PLA2G4B: variants seen among roughly 807,000 people sequenced by gnomAD.
PLA2G4B encodes cytosolic phospholipase A2 beta.
Under a neutral mutation model 95.8 loss-of-function variants are expected in PLA2G4B, and 122 were observed. The observed-to-expected ratio is 1.27, with a 90% CI of 1.10 to 1.48. The LOEUF (loss-of-function observed/expected upper bound fraction) is 1.48, where lower values mean the gene tolerates loss of function less well. Ranked by LOEUF, PLA2G4B falls within the 40% of genes most tolerant of loss-of-function variation. The pLI, the probability that PLA2G4B is intolerant of heterozygous loss-of-function variation, is 0.00. For missense variants in PLA2G4B, 1,158 were observed against 996.2 expected, an observed-to-expected ratio of 1.16 and a Z score of -2.19; for synonymous variants, 518 against 421.5, an observed-to-expected ratio of 1.23 and a Z score of -2.80.
chr15:41,846,896 G>C (rs879904167), intron 18 of PLA2G4B, 61 bp downstream of exon 18: 20 of 1,517,220 alleles, frequency 1.3e-5, no homozygotes, highest in Non-Finnish European at 1.6e-5. Flanking sequence ...CCTGAAGAGA[G>C]GGGCTTTGGA....
Position 41,848,071 on chromosome 15 carries a change from G to C in PLA2G4B, c.*211G>C, listed in dbSNP as rs1046327701. On this transcript the variant is annotated 3_prime_UTR_variant, in exon 20 of 20. Coordinates refer to ENST00000458483, the MANE Select transcript of PLA2G4B (RefSeq NM_001114633.2). ...TTTGTGTAATCACCCAAAACCCCCCGGCCTGTGCCTGTTTTCCCTTCTGCG... is the reference window on the plus strand; with the variant it reads ...TTTGTGTAATCACCCAAAACCCCCCCGCCTGTGCCTGTTTTCCCTTCTGCG... 1.6e-6 allele frequency: 1 copy of C among 645,086 alleles called. No individual in the cohort carries two copies. Among genetic ancestry groups the C allele is most frequent in the Non-Finnish European group, 2.6e-6 (1 of 379,258 alleles). 40.0% of individuals were successfully genotyped at this position (645,086 alleles called of 1,614,324 possible). A position where few individuals can be genotyped will look rare whatever the true frequency, so the allele number is the denominator to read the frequency against.
intron 16 of PLA2G4B, 29 bp from the exon 17 acceptor site, chr15:41,846,174 T>C (rs746325147): frequency 6.2e-7 from 1 of 1,601,148 alleles, no homozygotes; most frequent in East Asian, 2.2e-5. Context: ...GGTGCAGGAG[T>C]CCCCATTTCC....
In PLA2G4B at chr15:41,841,533, G is replaced by A; in HGVS notation, c.452G>A (p.Cys151Tyr). The A allele has an allele frequency of 6.2e-7, 1 of 1,614,096 alleles. No homozygotes were observed. The highest frequency in any genetic ancestry group is 1.1e-5 in the South Asian group (1 of 91,078). ...NGVLVARELSCLHVQLEETGD... is the reference protein window; with the variant it reads ...NGVLVARELSYLHVQLEETGD... The stretch of plus-strand genomic sequence containing the variant: ...ATGACTCAGGCCCGGGAGCTCTCCT[G>A]CTTGCACGTTCAACTGGAGGAGACA... Residue 151 changes from cysteine (C) to tyrosine (Y), a missense_variant, in exon 7 of 20, where the codon TGC (cysteine) becomes TAC (tyrosine). Cys to Tyr is a radical substitution (Grantham distance 194, BLOSUM62 -2). Transcript: ENST00000458483.
At chr15:41,840,499 G>T in intron 2 of PLA2G4B, 25 bp from the exon 3 acceptor site, 2 of 1,613,132 alleles carry the variant, frequency 1.2e-6, no homozygotes, top group Non-Finnish European at 1.7e-6. Context: ...CTTGTCCACC[G>T]CTGGGCACTT....
chr15:41,847,940 G>T lies in PLA2G4B; in HGVS notation c.*80G>T. On this transcript the variant is annotated 3_prime_UTR_variant, in exon 20 of 20. Coordinates refer to ENST00000458483, the MANE Select transcript of PLA2G4B (RefSeq NM_001114633.2). ...CAGGTGGGAACTGTCATCACGCAGT[G>T]CTTCAGAGCCTCGGGCTCAGGTGGC... is the stretch of plus-strand genomic sequence containing the variant. 2 of 1,509,186 alleles carry T rather than the reference G, an allele frequency of 1.3e-6. No homozygotes were observed. Among genetic ancestry groups the T allele is most frequent in the Non-Finnish European group, 1.8e-6 (2 of 1,128,244 alleles). 93.5% of individuals were successfully genotyped at this position (1,509,186 alleles called of 1,614,324 possible).
intron 9 of PLA2G4B, 123 bp downstream of exon 9, chr15:41,842,399 T>A (rs2065449352): frequency 6.5e-7 from 1 of 1,544,750 alleles, no homozygotes; most frequent in Non-Finnish European, 8.7e-7. Flanking sequence ...GGGGCCAGGC[T>A]CTTTGGGGAG....
Position 41,844,516 on chromosome 15 carries a change from A to G in PLA2G4B, c.925A>G (p.Met309Val), listed in dbSNP as rs371904780. 40 of 1,613,990 alleles carry G rather than the reference A, an allele frequency of 2.5e-5. No individual in the cohort carries two copies. Among genetic ancestry groups the G allele is most frequent in the Non-Finnish European group, 3.1e-5 (36 of 1,180,008 alleles). ...IMATGGGIRAMTSLYGQLAGL... is the reference protein window; with the variant it reads ...IMATGGGIRAVTSLYGQLAGL... ...GGCCACTGGTGGTGGGATCCGGGCAATGACTTCCCTGTATGGGCAGCTGGC... is the reference window on the plus strand; with the variant it reads ...GGCCACTGGTGGTGGGATCCGGGCAGTGACTTCCCTGTATGGGCAGCTGGC... The change falls in exon 12 of 20, where the codon ATG becomes GTG. Residue 309 changes from methionine (M) to valine (V), a missense_variant. Transcript: ENST00000458483.
At position 41,840,504 on chromosome 15, in the gene PLA2G4B, G is replaced by C; in HGVS notation, c.83-20G>C. 6.2e-7 allele frequency: 1 copy of C among 1,613,338 alleles called. No homozygotes were observed. Among genetic ancestry groups the C allele is most frequent in the Non-Finnish European group, 8.5e-7 (1 of 1,180,026 alleles). On this transcript the variant is annotated intron_variant, in intron 2 of 19. Coordinates refer to ENST00000458483, the MANE Select transcript of PLA2G4B (RefSeq NM_001114633.2). ...GGGAAGGGCTCTTGTCCACCGCTGGGCACTTGTTCCTTCCCGCAGTGACCC... is the reference window on the plus strand; with the variant it reads ...GGGAAGGGCTCTTGTCCACCGCTGGCCACTTGTTCCTTCCCGCAGTGACCC...
Position 41,845,239 on chromosome 15 carries a change from C to T in PLA2G4B, c.1276C>T (p.Leu426=), listed in dbSNP as rs1324180745. 2 of 1,614,066 alleles carry T rather than the reference C, an allele frequency of 1.2e-6. No homozygotes were observed. Among genetic ancestry groups the T allele is most frequent in the Non-Finnish European group, 1.7e-6 (2 of 1,180,020 alleles). The change falls in exon 14 of 20, where the codon CTG becomes TTG. Residue 426 remains leucine (L), a synonymous_variant. Coordinates refer to ENST00000458483, the MANE Select transcript of PLA2G4B (RefSeq NM_001114633.2). ...CAAGCTCTCAGATCAACGGGAGGCC[C>T]TGAGTCATGGCCAGAACCCTCTGCC... ...DHKLSDQREA[L]SHGQNPLPIY...
In PLA2G4B at chr15:41,846,803, T is replaced by G. The variant is rs1191625050; in HGVS notation, c.1915T>G (p.Ser639Ala). The change falls in exon 18 of 20, where the codon TCA (serine) becomes GCA (alanine). Residue 639 changes from serine to alanine, a missense_variant. Transcript: ENST00000458483. ...QPTRDVDLIL[S>A]LDYNLHGAFQ... is the part of the protein sequence containing the mutation. ...CACTCGGGACGTGGACCTCATCCTG[T>G]CATTGGACTACAACCTCCACGGAGC... is the stretch of plus-strand genomic sequence containing the variant. The G allele has an allele frequency of 3.1e-6, 5 of 1,612,884 alleles. No homozygotes were observed. In the South Asian group the frequency reaches 5.5e-5, roughly 18 times the overall value.
chr15:41,842,655 A>C, intron 10 of PLA2G4B, 64 bp downstream of exon 10: 1 of 1,586,538 alleles, frequency 6.3e-7, no homozygotes, highest in Non-Finnish European at 8.5e-7. Flanking sequence ...GGGCTGGAGG[A>C]GGCCTGGAGG....
rs778733260 is a variant in PLA2G4B, at chr15:41,844,939, A to G, written c.1108A>G (p.Lys370Glu). Residue 370 changes from lysine (K) to glutamate (E), a missense_variant, in exon 13 of 20, where the codon AAG becomes GAG. By Grantham distance (56) the Lys-to-Glu change is moderately conservative (BLOSUM62 1). Transcript: ENST00000458483. Reference protein sequence around the residue: ...ELLKTQVTKNKLGVLAPSQLQ... With the variant: ...ELLKTQVTKNELGVLAPSQLQ... ...GCTGAAGACCCAGGTGACCAAGAAC[A>G]AGCTGGGTGTGCTGGCCCCCAGCCA... The G allele has an allele frequency of 6.2e-6, 10 of 1,612,530 alleles. No homozygotes were observed. The South Asian group carries it at 1.1e-4, about 18-fold the overall frequency.
rs1233631040 is a variant in PLA2G4B at position 41,840,872 on chromosome 15, G to T, written c.318G>T (p.Glu106Asp). The T allele has an allele frequency of 1.9e-6, 3 of 1,613,812 alleles. No individual in the cohort carries two copies. The highest frequency in any genetic ancestry group is 2.2e-5 in the East Asian group (1 of 44,864). ...ATGCGGGGACTCTGCGGGCTGGGGAGTTCCGGCGCGAGAGCTTCTCACTGA... is the reference window on the plus strand; with the variant it reads ...ATGCGGGGACTCTGCGGGCTGGGGATTTCCGGCGCGAGAGCTTCTCACTGA... ...LFDAGTLRAG[E>D]FRRESFSLSP... The change falls in exon 4 of 20, where the codon GAG becomes GAT. Residue 106 changes from glutamate (E) to aspartate (D), a missense_variant. By Grantham distance (45) the Glu-to-Asp change is conservative (BLOSUM62 2). Transcript: ENST00000458483.
intron 18 of PLA2G4B, 84 bp downstream of exon 18, chr15:41,846,919 G>C (rs566631136): frequency 1.4e-6 from 2 of 1,462,288 alleles, no homozygotes; most frequent in South Asian, 2.9e-5. Context: ...CCAGTGTCTG[G>C]TTCAGCTTCC....
In PLA2G4B at chr15:41,847,622, C is replaced by G. The variant is rs780016732; in HGVS notation, c.2135-27C>G. 2.5e-6 allele frequency: 4 copies of G among 1,613,480 alleles called. 1 individual carries two copies. The East Asian group carries it at 6.7e-5, about 27-fold the overall frequency. On this transcript the variant is annotated intron_variant, in intron 19 of 19. Transcript: ENST00000458483. ...ACCTGTCTTCCCCACAACGTGTTCC[C>G]CATGCCAGGCTGCACTCTCTCCACA...
At position 41,846,690 on chromosome 15, in the gene PLA2G4B, C is replaced by T; in HGVS notation, c.1802C>T (p.Pro601Leu). ...TWKATTLDGL[P>L]NQLTPSEPHL... is the part of the protein sequence containing the mutation. ...CCAGCTACCACTCTGGATGGGCTCC[C>T]CAACCAGCTGACACCCTCGGAGCCC... Residue 601 changes from proline to leucine, a missense_variant, in exon 18 of 20, where the codon CCC becomes CTC. Transcript: ENST00000458483. 1 of 1,612,052 alleles carries T rather than the reference C, an allele frequency of 6.2e-7. No homozygotes were observed. Among genetic ancestry groups the T allele is most frequent in the African/African-American group, 1.3e-5 (1 of 74,994 alleles).
chr15:41,846,308 C>G lies in PLA2G4B; in HGVS notation c.1706C>G (p.Ala569Gly), dbSNP rs2065544337. ...CTGACGTGGCGTCCACTGGCCCAGG[C>G]CACACATAATTTCCTGCGTGGCCTC... Reference protein sequence around the residue: ...DLLTWRPLAQATHNFLRGLHF... With the variant: ...DLLTWRPLAQGTHNFLRGLHF... Residue 569 changes from alanine (A) to glycine (G), a missense_variant, in exon 17 of 20, where the codon GCC becomes GGC. Physicochemically the swap from Ala to Gly is moderately conservative, Grantham distance 60. Transcript: ENST00000458483. 1 of 1,613,726 alleles carries G rather than the reference C, an allele frequency of 6.2e-7. No homozygotes were observed.
At position 41,845,084 on chromosome 15, in the gene PLA2G4B, G is replaced by A. The variant is rs1648829; in HGVS notation, c.1239+14G>A. On this transcript the variant is annotated intron_variant, in intron 13 of 19. Coordinates refer to ENST00000458483, the MANE Select transcript of PLA2G4B (RefSeq NM_001114633.2). ...CTGCATGATGAGGTGCGGGGGCTGC[G>A]GCCTGGGGGCAGAGCCAGGGCAAGG... 0.8 allele frequency: 1,266,480 copies of A among 1,592,226 alleles called. 506,231 individuals carry two copies. The highest frequency in any genetic ancestry group is 0.88 in the East Asian group (38,381 of 43,762).
chr15:41,843,995 G>A (rs2065485603), intron 11 of PLA2G4B, among the ~76,000 whole-genome samples, 184 bp downstream of exon 11: 1 of 152,228 alleles, frequency 6.6e-6, no homozygotes, highest in South Asian at 2.1e-4. Flanking sequence ...GAGGCACCTG[G>A]AGCCCACATG....
Sources: gnomAD v4.1 joint callset for allele counts (sites outside exome capture counted in the v4.1 genomes callset) on GRCh38, gnomAD v4.1.1 for gene constraint, MANE v1.5 for transcripts, NCBI Gene and HGNC (gene_info 2026-07-23, HGNC 2026-07-21) for gene names.